The following FBXO36 variants were observed in gnomAD, a reference collection of about 807,000 sequenced individuals.
FBXO36 encodes the protein F-box only protein 36.
FBXO36 carries 18 observed loss-of-function variants against 17.0 expected under a neutral mutation model. That is an observed-to-expected ratio of 1.06 (90% confidence interval 0.73 to 1.57). The LOEUF is 1.57. Among genes scored for constraint, FBXO36 ranks in the 40% most tolerant of loss-of-function variants. The pLI, the probability that FBXO36 is intolerant of heterozygous loss-of-function variation, is 0.00. For synonymous variants in FBXO36, 83 were observed against 85.3 expected, an observed-to-expected ratio of 0.97 and a Z score of 0.15; for missense variants, 229 against 221.9, an observed-to-expected ratio of 1.03 and a Z score of -0.20.
At chr2:229,979,936 G>A (rs1028198242) in intron 2 of FBXO36, among the ~76,000 whole-genome samples, 3 of 151,974 alleles carry the variant, frequency 2.0e-5, no homozygotes, top group African/African-American at 7.3e-5. Flanking sequence ...TTGAATTTCA[G>A]TCAGCCCAGG....
intron 1 of FBXO36, among the ~76,000 whole-genome samples, chr2:229,934,358 AC>A (rs1321521305): frequency 6.6e-6 from 1 of 152,108 alleles, no homozygotes; most frequent in Non-Finnish European, 1.5e-5. Context: ...CCGAGATCGC[AC>A]CACTGCACTC....
intron 1 of FBXO36, among the ~76,000 whole-genome samples, chr2:229,973,059 CAA>C (rs1317082401): frequency 6.2e-5 from 7 of 112,460 alleles, no homozygotes; most frequent in Admixed American, 9.2e-5. Context: ...GACTCTGTCT[CAA>C]AAAAAAAAAA....
intron 1 of FBXO36, among the ~76,000 whole-genome samples, chr2:229,933,559 C>G (rs1366489234): frequency 6.6e-6 from 1 of 152,124 alleles, no homozygotes; most frequent in Non-Finnish European, 1.5e-5. Flanking sequence ...GCCAGTATTT[C>G]TCAAAGAGAA....
At chr2:230,002,885 C>T (rs1419712083) in intron 3 of FBXO36, among the ~76,000 whole-genome samples, 1 of 151,986 alleles carries the variant, frequency 6.6e-6, no homozygotes, top group Non-Finnish European at 1.5e-5. Flanking sequence ...ATTTAAATGA[C>T]CGTCTTTCAG....
intron 1 of FBXO36, chr2:229,973,307 T>A (rs2077190550): frequency 6.6e-6 from 1 of 152,120 alleles, no homozygotes; most frequent in Non-Finnish European, 1.5e-5. Context: ...AGAAAATATC[T>A]TATTATTGTG....
At position 230,010,823 on chromosome 2, in the gene FBXO36, T is replaced by C. The variant is rs759712484; in HGVS notation, c.506T>C (p.Leu169Pro). The stretch of plus-strand genomic sequence containing the variant: ...CTGTTCTTCACCAACAAGCTCCAGC[T>C]CCAGCGGCAGCTCCGCAAGAGGAAA... The part of the protein sequence containing the change: ...RQLFFTNKLQ[L>P]QRQLRKRKQK... Residue 169 changes from leucine to proline, a missense_variant, in exon 4 of 4, where the codon CTC becomes CCC. Leu to Pro is a moderately conservative substitution (Grantham distance 98). Coordinates refer to ENST00000283946, the MANE Select transcript of FBXO36 (RefSeq NM_174899.5). The C allele has an allele frequency of 1.9e-6, 3 of 1,613,684 alleles. No individual in the cohort carries two copies. The highest frequency in any genetic ancestry group is 2.7e-5 in the African/African-American group (2 of 74,900).
chr2:229,939,918 C>T (rs921363457), intron 1 of FBXO36, among the ~76,000 whole-genome samples: 5 of 152,244 alleles, frequency 3.3e-5, no homozygotes, highest in African/African-American at 1.2e-4. Context: ...CACGTCTCTA[C>T]AAAAACATAC....
chr2:229,937,195 C>A (rs1253106271), intron 1 of FBXO36, among the ~76,000 whole-genome samples: 2 of 152,006 alleles, frequency 1.3e-5, no homozygotes, highest in Non-Finnish European at 2.9e-5. Flanking sequence ...ACCTCACCTC[C>A]TTAAAAACCA....
intron 2 of FBXO36, among the ~76,000 whole-genome samples, chr2:229,989,953 G>T (rs1257883515): frequency 6.6e-6 from 1 of 151,872 alleles, no homozygotes; most frequent in East Asian, 1.9e-4. Context: ...GTGATAGTGG[G>T]CATTCTGGTC....
intron 1 of FBXO36, among the ~76,000 whole-genome samples, chr2:229,954,532 TG>T (rs1180191232): frequency 1.4e-5 from 2 of 139,260 alleles, no homozygotes; most frequent in African/African-American, 5.3e-5. Flanking sequence ...CATGAGCCAC[TG>T]CACCCGGCCT....
intron 2 of FBXO36, among the ~76,000 whole-genome samples, chr2:229,982,485 G>A (rs563112716): frequency 2.6e-5 from 4 of 151,976 alleles, no homozygotes; most frequent in Non-Finnish European, 5.9e-5. Flanking sequence ...AGGCTCACCA[G>A]ATAATCCAGG....
intron 1 of FBXO36, among the ~76,000 whole-genome samples, chr2:229,963,352 C>G (rs1289804395): frequency 6.6e-6 from 1 of 151,948 alleles, no homozygotes; most frequent in Non-Finnish European, 1.5e-5. Context: ...ATGTGAGCGA[C>G]CGTGCCCGGC....
chr2:229,948,998 T>C (rs1195968843), intron 1 of FBXO36, among the ~76,000 whole-genome samples: 1 of 152,158 alleles, frequency 6.6e-6, no homozygotes, highest in Non-Finnish European at 1.5e-5. Flanking sequence ...CACACCCGGC[T>C]AATTTTTGTA....
At chr2:229,931,616 G>A (rs779858452) in intron 1 of FBXO36, among the ~76,000 whole-genome samples, 6 of 152,100 alleles carry the variant, frequency 3.9e-5, no homozygotes, top group African/African-American at 7.2e-5. Flanking sequence ...CAAGGCAGGC[G>A]GATCAAGAGA....
chr2:229,961,296 C>A (rs939824766), intron 1 of FBXO36, among the ~76,000 whole-genome samples: 1 of 152,052 alleles, frequency 6.6e-6, no homozygotes, highest in Non-Finnish European at 1.5e-5. Flanking sequence ...TTTATAATAG[C>A]CTTATATTAC....
In FBXO36 at chr2:230,011,957, G is replaced by A. The variant is rs575939625; in HGVS notation, c.*1073G>A. 2.1e-4 allele frequency: 32 copies of A among 152,258 alleles called. No individual in the cohort carries two copies. Among genetic ancestry groups the A allele is most frequent in the African/African-American group, 7.0e-4 (29 of 41,540 alleles). The allele number at this position is 152,258 out of a possible 1,614,324, so 9.4% of individuals were successfully genotyped here. ...TCACTGAGAAGGCTTACTTAAAAAT[G>A]TTTTTCTCCCTGCACTTTCATGATT... On this transcript the variant is annotated 3_prime_UTR_variant, in exon 4 of 4. Transcript: ENST00000283946.
chr2:229,970,573 G>T (rs2077175436), intron 1 of FBXO36, among the ~76,000 whole-genome samples: 1 of 152,122 alleles, frequency 6.6e-6, no homozygotes, highest in African/African-American at 2.4e-5. Context: ...CTATGTAATT[G>T]CAGCACCAGC....
At chr2:229,923,716 G>T (rs1163487299) in intron 1 of FBXO36, among the ~76,000 whole-genome samples, 2 of 151,638 alleles carry the variant, frequency 1.3e-5, no homozygotes, top group Non-Finnish European at 2.9e-5. Flanking sequence ...TGCGGAGCAG[G>T]GCTAATTCAT....
intron 1 of FBXO36, among the ~76,000 whole-genome samples, chr2:229,945,653 G>A (rs953405107): frequency 2.0e-5 from 3 of 152,064 alleles, no homozygotes; most frequent in Admixed American, 2.0e-4. Context: ...AGTGTACCTG[G>A]ATTTCCTTCT....
Sources: allele counts gnomAD v4.1 joint callset (sites outside exome capture counted in the v4.1 genomes callset), GRCh38; gene constraint gnomAD v4.1.1; transcripts MANE v1.5; gene names NCBI Gene and HGNC (gene_info 2026-07-23, HGNC 2026-07-21).